Variants in LYZL1 observed in about 807,000 individuals in gnomAD.
The protein encoded by LYZL1 is lysozyme-like protein 1.
A neutral mutation model predicts 17.9 loss-of-function variants in LYZL1; 16 were observed. The observed-to-expected ratio is 0.90, with a 90% CI of 0.61 to 1.36. The LOEUF (loss-of-function observed/expected upper bound fraction) is 1.36. Among genes scored for constraint, LYZL1 ranks in the 40% most tolerant of loss-of-function variants. The probability of loss-of-function intolerance (pLI) is 0.00; values close to 1 mark genes in which losing one functional copy is unlikely to be tolerated. For missense variants in LYZL1, 149 were observed against 188.4 expected, an observed-to-expected ratio of 0.79 and a Z score of 1.22; for synonymous variants, 58 against 71.8, an observed-to-expected ratio of 0.81 and a Z score of 0.97.
At chr10:29,297,076 C>CT (rs941944983) in intron 3 of LYZL1, among the ~76,000 whole-genome samples, 1 of 125,440 alleles carries the variant, frequency 8.0e-6, no homozygotes, top group Non-Finnish European at 1.7e-5. Context: ...AAGCAAGATG[C>CT]TTTTTTTGAA....
At chr10:29,291,214 G>A (rs188599422) in intron 1 of LYZL1, among the ~76,000 whole-genome samples, 5 of 152,320 alleles carry the variant, frequency 3.3e-5, no homozygotes, top group Admixed American at 2.6e-4. Context: ...TATGTTCTAT[G>A]TCTTCTGTAC....
downstream of LYZL1, among the ~76,000 whole-genome samples, chr10:29,313,709 A>G (rs983696842): frequency 1.3e-5 from 2 of 152,256 alleles, no homozygotes; most frequent in African/African-American, 2.4e-5. Context: ...ATTCAAGAGG[A>G]CATGAATACT....
chr10:29,308,277 G>A (rs574372114), intron 3 of LYZL1, among the ~76,000 whole-genome samples: 1 of 152,328 alleles, frequency 6.6e-6, no homozygotes, highest in African/African-American at 2.4e-5. Flanking sequence ...GACATGTGAG[G>A]CAGAGGCATG....
chr10:29,314,916 A>G (rs1835712032), downstream of LYZL1, among the ~76,000 whole-genome samples: 1 of 152,160 alleles, frequency 6.6e-6, no homozygotes, highest in Non-Finnish European at 1.5e-5. Context: ...TCAGTGACAG[A>G]ACGTGTCCTA....
At chr10:29,302,620 T>C (rs1835536336) in intron 3 of LYZL1, among the ~76,000 whole-genome samples, 1 of 152,190 alleles carries the variant, frequency 6.6e-6, no homozygotes, top group Non-Finnish European at 1.5e-5. Context: ...GAGCAAAGCG[T>C]GAGTTTGAGG....
chr10:29,305,215 A>C (rs1835574421), intron 3 of LYZL1, among the ~76,000 whole-genome samples: 1 of 152,236 alleles, frequency 6.6e-6, no homozygotes, highest in Non-Finnish European at 1.5e-5. Flanking sequence ...CCCGAAATAA[A>C]GTGTCTCTAA....
At chr10:29,313,269 G>A (rs16930152), downstream of LYZL1, among the ~76,000 whole-genome samples, 12,755 of 152,166 alleles carry the variant, frequency 0.084, 622 homozygotes, top group South Asian at 0.13. Flanking sequence ...GAAAAATGTA[G>A]AATCCATTAA....
At chr10:29,302,153 A>G (rs981352984) in intron 3 of LYZL1, among the ~76,000 whole-genome samples, 3 of 152,186 alleles carry the variant, frequency 2.0e-5, no homozygotes, top group African/African-American at 7.2e-5. Flanking sequence ...GGTATGTGCC[A>G]CATTTCCCTG....
chr10:29,294,701 A>T (rs1249960055), intron 3 of LYZL1, among the ~76,000 whole-genome samples: 2 of 152,230 alleles, frequency 1.3e-5, no homozygotes, highest in Non-Finnish European at 2.9e-5. Flanking sequence ...CTTTCAGAGC[A>T]GAAAATAAAC....
At chr10:29,301,658 T>A (rs1018276472) in intron 3 of LYZL1, among the ~76,000 whole-genome samples, 1 of 152,266 alleles carries the variant, frequency 6.6e-6, no homozygotes, top group Admixed American at 6.5e-5. Context: ...TGTGTGATAT[T>A]TGTGTTTATC....
At chr10:29,310,317 C>A (rs1400278303) in intron 4 of LYZL1, 129 bp downstream of exon 4, 34 of 658,524 alleles carry the variant, frequency 5.2e-5, no homozygotes, top group Admixed American at 4.6e-4. Context: ...GAGACCTTGT[C>A]TATATTCTCC....
downstream of LYZL1, among the ~76,000 whole-genome samples, chr10:29,314,368 G>A (rs1368055525): frequency 6.6e-6 from 1 of 152,164 alleles, no homozygotes; most frequent in Non-Finnish European, 1.5e-5. Flanking sequence ...AAAAATATTT[G>A]ATGTTGGCCA....
At chr10:29,298,308 C>A (rs78581598) in intron 3 of LYZL1, among the ~76,000 whole-genome samples, 61 of 152,278 alleles carry the variant, frequency 4.0e-4, no homozygotes, top group Admixed American at 1.2e-3. Flanking sequence ...GATCTGAGAC[C>A]TTCCTTCAAG....
At chr10:29,311,580 G>A (rs16930146), downstream of LYZL1, among the ~76,000 whole-genome samples, 2,523 of 152,302 alleles carry the variant, frequency 0.017, 84 homozygotes, top group African/African-American at 0.057. Context: ...TAGGGCAACT[G>A]AGATTCACTG....
rs748306942 is a variant in LYZL1 at position 29,311,084 on chromosome 10, T to G, written c.*25T>G. 6 of 1,614,106 alleles carry G rather than the reference T, an allele frequency of 3.7e-6. No individual in the cohort carries two copies. The highest frequency in any genetic ancestry group is 1.3e-5 in the African/African-American group (1 of 74,946). On this transcript the variant is annotated 3_prime_UTR_variant, in exon 5 of 5. Transcript: ENST00000649382. ...AACTGGAACTGGACCCAGGATGCTT[T>G]GCAGCAACGCCCTAGGATTTGCAGT...
chr10:29,313,081 G>A (rs1835691622), downstream of LYZL1, among the ~76,000 whole-genome samples: 1 of 152,088 alleles, frequency 6.6e-6, no homozygotes, highest in Non-Finnish European at 1.5e-5. Context: ...GCATGCAGAG[G>A]CTTTAAGAAC....
rs530595607 is a variant in LYZL1 at position 29,291,911 on chromosome 10, C to A, written c.44C>A (p.Thr15Lys). Reference sequence around the variant, plus strand: ...CTGACCCTCATTGGCTGCCTGGTCACAGGCGCCGAGTCCAAAATCTACACT... The same window carrying A: ...CTGACCCTCATTGGCTGCCTGGTCAAAGGCGCCGAGTCCAAAATCTACACT... ...GILTLIGCLVTGAESKIYTRC... is the reference protein window; with the variant it reads ...GILTLIGCLVKGAESKIYTRC... The change falls in exon 2 of 5, where the codon ACA becomes AAA. Residue 15 changes from threonine (T) to lysine (K), a missense_variant. Coordinates refer to ENST00000649382, the MANE Select transcript of LYZL1 (RefSeq NM_032517.6). 3 of 1,590,458 alleles carry A rather than the reference C, an allele frequency of 1.9e-6. No individual in the cohort carries two copies. Among genetic ancestry groups the A allele is most frequent in the East Asian group, 4.5e-5 (2 of 44,440 alleles).
At position 29,292,663 on chromosome 10, in the gene LYZL1, A is replaced by G. The variant is rs567044423; in HGVS notation, c.284A>G (p.His95Arg). The G allele has an allele frequency of 1.9e-6, 3 of 1,613,860 alleles. No homozygotes were observed. The South Asian group carries it at 3.3e-5, about 18-fold the overall frequency. Residue 95 changes from histidine (H) to arginine (R), a missense_variant, in exon 3 of 5, where the codon CAT (histidine) becomes CGT (arginine). By Grantham distance (29) the His-to-Arg change is conservative. Coordinates refer to ENST00000649382, the MANE Select transcript of LYZL1 (RefSeq NM_032517.6). ...RGKLKENNHC[H>R]VACSALITDD... Reference sequence around the variant, plus strand: ...AAGCTGAAGGAGAACAACCACTGCCATGTCGCCTGCTCAGGTGAGGCTCTG... The same window carrying G: ...AAGCTGAAGGAGAACAACCACTGCCGTGTCGCCTGCTCAGGTGAGGCTCTG...
chr10:29,309,416 A>G (rs1835640861), intron 3 of LYZL1, among the ~76,000 whole-genome samples: 1 of 152,222 alleles, frequency 6.6e-6, no homozygotes. Context: ...ACAATAGACA[A>G]AGGTTTAATA....
Sources: allele counts gnomAD v4.1 joint callset (sites outside exome capture counted in the v4.1 genomes callset), GRCh38; gene constraint gnomAD v4.1.1; transcripts MANE v1.5; gene names NCBI Gene and HGNC (gene_info 2026-07-23, HGNC 2026-07-21).